TRDN: variants seen among roughly 807,000 people sequenced by gnomAD.
TRDN encodes the protein triadin, also known as triadin in skeletal muscle.
In TRDN, 161 loss-of-function variants were observed where a neutral mutation model predicts 149.7. The observed-to-expected ratio is 1.08, with a 90% CI of 0.95 to 1.23. The LOEUF is 1.23. Ranked by LOEUF, TRDN falls within the 50% of genes most tolerant of loss-of-function variation. The pLI is 0.00. For synonymous variants in TRDN, 294 were observed against 250.5 expected (o/e 1.17, Z -1.64); for missense variants, 896 against 823.5 (o/e 1.09, Z -1.08).
chr6:123,259,875 C>T (rs1225766370), intron 34 of TRDN, among the ~76,000 whole-genome samples: 1 of 151,910 alleles, frequency 6.6e-6, no homozygotes, highest in East Asian at 1.9e-4. Flanking sequence ...GCCTCCTCTT[C>T]CTCCTCTAAG....
chr6:123,525,918 C>A (rs1779923067), intron 5 of TRDN, among the ~76,000 whole-genome samples: 2 of 151,928 alleles, frequency 1.3e-5, no homozygotes, highest in South Asian at 4.1e-4. Flanking sequence ...ATAACTATAT[C>A]CTAGTCTCTG....
chr6:123,608,144 A>C (rs1784606843), intron 1 of TRDN, among the ~76,000 whole-genome samples: 1 of 152,152 alleles, frequency 6.6e-6, no homozygotes, highest in Non-Finnish European at 1.5e-5. Flanking sequence ...TTATATACAT[A>C]TATCATATAT....
At chr6:123,569,102 T>C (rs1335837893) in intron 2 of TRDN, among the ~76,000 whole-genome samples, 1 of 152,200 alleles carries the variant, frequency 6.6e-6, no homozygotes, top group Non-Finnish European at 1.5e-5. Context: ...TTGAATGTTT[T>C]ACTGCTTAGA....
intron 38 of TRDN, among the ~76,000 whole-genome samples, chr6:123,249,564 T>A (rs1582775176): frequency 6.6e-6 from 1 of 152,222 alleles, no homozygotes; most frequent in East Asian, 1.9e-4. Context: ...ATAAAGAACA[T>A]GTAGTATTTA....
At chr6:123,376,561 T>G (rs1244568203) in intron 18 of TRDN, among the ~76,000 whole-genome samples, 1 of 152,094 alleles carries the variant, frequency 6.6e-6, no homozygotes, top group African/African-American at 2.4e-5. Flanking sequence ...AATTTCTGAC[T>G]ATATAAGGTA....
intron 15 of TRDN, 131 bp from the exon 16 acceptor site, chr6:123,381,521 G>A (rs1781720473): frequency 2.5e-6 from 2 of 811,810 alleles, no homozygotes; most frequent in East Asian, 5.5e-5. Flanking sequence ...TCACAATGAG[G>A]TGAAATTTCA....
intron 7 of TRDN, among the ~76,000 whole-genome samples, chr6:123,507,267 C>T (rs1017538006): frequency 6.6e-6 from 1 of 151,914 alleles, no homozygotes; most frequent in Admixed American, 6.6e-5. Flanking sequence ...TTAACCTTAA[C>T]TTTATAGTAT....
intron 1 of TRDN, among the ~76,000 whole-genome samples, chr6:123,574,687 C>G (rs1156921894): frequency 1.3e-5 from 2 of 151,644 alleles, no homozygotes; most frequent in Non-Finnish European, 2.9e-5. Flanking sequence ...TTCAGATTCA[C>G]TGTATTGAGT....
Position 123,312,718 on chromosome 6 carries a change from G to T in TRDN, c.1510+3739C>A, listed in dbSNP as rs189901126. 2.6e-5 allele frequency among the ~76,000 whole-genome samples: 4 copies of T among 151,908 alleles called. No homozygotes were observed. In the East Asian group the frequency reaches 7.8e-4, roughly 30 times the overall value. On this transcript the variant is annotated intron_variant, in intron 24 of 40. Coordinates refer to ENST00000334268, the MANE Select transcript of TRDN (RefSeq NM_006073.4). The stretch of plus-strand genomic sequence containing the variant: ...AATATATTATCTCCATTAAGTTTTC[G>T]CTTACTGCTACTTAGGAATGGCTAT...
chr6:123,421,085 T>A (rs888035631), intron 12 of TRDN, among the ~76,000 whole-genome samples: 11 of 152,150 alleles, frequency 7.2e-5, no homozygotes, highest in African/African-American at 2.7e-4. Context: ...CTGAGGAAAT[T>A]TATCTGCTAA....
chr6:123,574,877 T>TAC (rs1782765145), intron 1 of TRDN, among the ~76,000 whole-genome samples: 1 of 128,028 alleles, frequency 7.8e-6, no homozygotes, highest in South Asian at 2.5e-4. Context: ...TATATATATA[T>TAC]ATATATATAT....
intron 38 of TRDN, among the ~76,000 whole-genome samples, chr6:123,251,625 A>G (rs1331607519): frequency 6.6e-6 from 1 of 151,972 alleles, no homozygotes; most frequent in African/African-American, 2.4e-5. Flanking sequence ...ATGTAATTAA[A>G]ATTAAAATTA....
chr6:123,487,527 A>C (rs1260422520), intron 9 of TRDN, among the ~76,000 whole-genome samples: 1 of 151,944 alleles, frequency 6.6e-6, no homozygotes, highest in East Asian at 1.9e-4. Context: ...CCATAAACAG[A>C]CTACTACCCA....
intron 4 of TRDN, among the ~76,000 whole-genome samples, chr6:123,534,485 T>C (rs1326532794): frequency 2.0e-5 from 3 of 152,162 alleles, no homozygotes; most frequent in African/African-American, 7.2e-5. Context: ...TCTGTCTCCT[T>C]ACACTTTAGC....
At chr6:123,340,770 G>A (rs9490736) in intron 21 of TRDN, among the ~76,000 whole-genome samples, 1 of 151,834 alleles carries the variant, frequency 6.6e-6, no homozygotes, top group South Asian at 2.1e-4. Context: ...GAACCACCTG[G>A]CAAGCTTTAT....
intron 38 of TRDN, among the ~76,000 whole-genome samples, chr6:123,238,185 C>A (rs1775856946): frequency 6.6e-6 from 1 of 152,048 alleles, no homozygotes; most frequent in South Asian, 2.1e-4. Flanking sequence ...AAAAGAAAGT[C>A]AAAAATGCAA....
chr6:123,349,095 T>C (rs1780358869), intron 21 of TRDN, among the ~76,000 whole-genome samples: 1 of 152,106 alleles, frequency 6.6e-6, no homozygotes, highest in South Asian at 2.1e-4. Flanking sequence ...AAAGGAATAG[T>C]GTTAGTGGAA....
At chr6:123,383,964 T>C (rs536069832) in intron 14 of TRDN, among the ~76,000 whole-genome samples, 1 of 152,260 alleles carries the variant, frequency 6.6e-6, no homozygotes, top group Non-Finnish European at 1.5e-5. Context: ...ACAATGAAAA[T>C]AATTTTAGAA....
chr6:123,352,466 A>G (rs1780500108), intron 21 of TRDN, 73 bp downstream of exon 21: 1 of 1,588,220 alleles, frequency 6.3e-7, no homozygotes, highest in Non-Finnish European at 8.6e-7. Flanking sequence ...CGCCTGTCTG[A>G]ATCCAGTGCT....
Sources: gnomAD v4.1 joint callset for allele counts (sites outside exome capture counted in the v4.1 genomes callset) on GRCh38, gnomAD v4.1.1 for gene constraint, MANE v1.5 for transcripts, NCBI Gene and HGNC (gene_info 2026-07-23, HGNC 2026-07-21) for gene names.